Variants in MAPK10 observed in about 807,000 individuals in gnomAD.
MAPK10 encodes JNK3 alpha protein kinase.
MAPK10 carries 25 observed loss-of-function variants against 59.3 expected under a neutral mutation model. The observed-to-expected ratio is 0.42, with a 90% CI of 0.31 to 0.59. The LOEUF (loss-of-function observed/expected upper bound fraction) is 0.59, where lower values mean the gene tolerates loss of function less well. Among genes scored for constraint, MAPK10 ranks in the 20% least tolerant of loss-of-function variants. MAPK10 has a pLI of 0.15. For synonymous variants in MAPK10, 190 were observed against 200.5 expected (o/e 0.95, Z 0.44); for missense variants, 351 against 568.9 (o/e 0.62, Z 3.90).
rs2148831595 is a variant in MAPK10, at chr4:86,295,933, T to C, written c.-7+58597A>G. Among the ~76,000 whole-genome samples the C allele has an allele frequency of 1.3e-5, 2 of 151,612 alleles. 1 individual carries two copies. The highest frequency in any genetic ancestry group is 4.8e-5 in the African/African-American group (2 of 41,428). ...GCTCATGCCTGTAATCCCAGCACTT[T>C]GGGAGGCCAAAGCAAGCAGATCACC... On this transcript the variant is annotated intron_variant, in intron 2 of 13. Coordinates refer to ENST00000641462, the MANE Select transcript of MAPK10 (RefSeq NM_138982.4).
chr4:86,547,823 C>G (rs1759360055), intron 1 of MAPK10, among the ~76,000 whole-genome samples: 1 of 152,184 alleles, frequency 6.6e-6, no homozygotes, highest in African/African-American at 2.4e-5. Context: ...CACCCTGTGT[C>G]TAGCTCAGGG....
chr4:86,155,894 G>A (rs965566338), intron 4 of MAPK10, among the ~76,000 whole-genome samples: 10 of 151,834 alleles, frequency 6.6e-5, no homozygotes, highest in African/African-American at 2.4e-4. Context: ...CTGCAATATT[G>A]CAACAGTTGC....
At chr4:86,359,440 G>T (rs1444811579) in intron 1 of MAPK10, among the ~76,000 whole-genome samples, 1 of 151,442 alleles carries the variant, frequency 6.6e-6, no homozygotes, top group Non-Finnish European at 1.5e-5. Context: ...CAAATGGAAA[G>T]GTTTCAACAC....
chr4:86,511,556 G>C (rs1579440696), intron 1 of MAPK10, among the ~76,000 whole-genome samples: 1 of 151,514 alleles, frequency 6.6e-6, no homozygotes, highest in Non-Finnish European at 1.5e-5. Flanking sequence ...GATAGAACCA[G>C]ATCTTGTCTT....
intron 1 of MAPK10, among the ~76,000 whole-genome samples, chr4:86,552,727 T>G (rs1429041337): frequency 1.3e-5 from 2 of 152,180 alleles, no homozygotes; most frequent in Non-Finnish European, 2.9e-5. Context: ...AGAGAGTGTC[T>G]CTTTTTAGAG....
chr4:86,084,249 C>T (rs548181160), intron 9 of MAPK10, among the ~76,000 whole-genome samples: 14 of 152,280 alleles, frequency 9.2e-5, no homozygotes, highest in African/African-American at 3.4e-4. Flanking sequence ...CTTGAGTTAC[C>T]AATTTCAAGA....
intron 1 of MAPK10, among the ~76,000 whole-genome samples, chr4:86,372,564 G>GAAAGACAGAAAGAAAGAAAAGA (rs1739002096): frequency 1.3e-5 from 1 of 78,690 alleles, no homozygotes; most frequent in Non-Finnish European, 2.8e-5. Flanking sequence ...AAGAAAGAAA[G>GAAAGACAGAAAGAAAGAAAAGA]AAAGAAAAGA....
At chr4:86,384,523 A>G (rs1030074615) in intron 1 of MAPK10, among the ~76,000 whole-genome samples, 4 of 152,162 alleles carry the variant, frequency 2.6e-5, no homozygotes, top group African/African-American at 7.2e-5. Flanking sequence ...CCTGATTTAC[A>G]CTAGGACCAC....
chr4:86,282,044 GATTAAAATGTAAATGCTAC>G (rs1164910470), intron 2 of MAPK10, among the ~76,000 whole-genome samples: 1 of 152,138 alleles, frequency 6.6e-6, no homozygotes. Context: ...GAAGGGACTA[GATTAAAATGTAAATGCTAC>G]ATTATTTATG....
chr4:86,441,289 G>A (rs185381089), intron 1 of MAPK10, among the ~76,000 whole-genome samples: 4 of 152,248 alleles, frequency 2.6e-5, no homozygotes, highest in African/African-American at 7.2e-5. Context: ...TACCTAGAGG[G>A]CAATGTTCTG....
At chr4:86,102,156 T>A in intron 6 of MAPK10, 124 bp from the exon 7 acceptor site, 1 of 822,736 alleles carries the variant, frequency 1.2e-6, no homozygotes, top group East Asian at 2.4e-5. Context: ...TTTGACTTAA[T>A]CAAGACTGAG....
At chr4:86,107,047 G>A in intron 5 of MAPK10, 176 bp downstream of exon 5, 1 of 452,710 alleles carries the variant, frequency 2.2e-6, no homozygotes, top group African/African-American at 2.0e-5. Context: ...TGATTTTTAA[G>A]CAGAAAGCTA....
chr4:86,581,248 G>T (rs1407292141), intron 1 of MAPK10, among the ~76,000 whole-genome samples: 1 of 150,830 alleles, frequency 6.6e-6, no homozygotes, highest in Non-Finnish European at 1.5e-5. Context: ...ACATACCCTT[G>T]TCTGAAATTT....
chr4:86,071,154 A>T (rs1431371596), intron 9 of MAPK10, among the ~76,000 whole-genome samples: 2 of 151,836 alleles, frequency 1.3e-5, no homozygotes, highest in Non-Finnish European at 2.9e-5. Flanking sequence ...GATGATGAGC[A>T]TTTTTTCATG....
chr4:86,558,380 C>T (rs576626020), intron 1 of MAPK10, among the ~76,000 whole-genome samples: 1 of 152,212 alleles, frequency 6.6e-6, no homozygotes, highest in South Asian at 2.1e-4. Context: ...GCCTTCGAAA[C>T]TCTTTATGGG....
chr4:86,159,239 G>T, intron 4 of MAPK10, 59 bp downstream of exon 4: 1 of 1,321,486 alleles, frequency 7.6e-7, no homozygotes, highest in Admixed American at 2.5e-5. Context: ...GTGTGTTTGT[G>T]TCTAGTAGTT....
chr4:86,383,302 G>A (rs1741016168), intron 1 of MAPK10, among the ~76,000 whole-genome samples: 1 of 152,006 alleles, frequency 6.6e-6, no homozygotes, highest in African/African-American at 2.4e-5. Flanking sequence ...CCCTTCAATG[G>A]TGCCTCTGGG....
intron 1 of MAPK10, among the ~76,000 whole-genome samples, chr4:86,452,386 G>C (rs898766863): frequency 6.6e-6 from 1 of 152,202 alleles, no homozygotes; most frequent in African/African-American, 2.4e-5. Context: ...GCATGCAAGA[G>C]AGAGAAATTA....
upstream of MAPK10, among the ~76,000 whole-genome samples, chr4:86,364,113 T>C (rs976519021): frequency 1.3e-5 from 2 of 149,750 alleles, no homozygotes; most frequent in Non-Finnish European, 3.0e-5. Context: ...GTTGTTGTTG[T>C]TGTTGTTGTT....
Sources: gnomAD v4.1 joint callset for allele counts (sites outside exome capture counted in the v4.1 genomes callset) on GRCh38, gnomAD v4.1.1 for gene constraint, MANE v1.5 for transcripts, NCBI Gene and HGNC (gene_info 2026-07-23, HGNC 2026-07-21) for gene names.